The following TSHZ2 variants were observed in gnomAD, a reference collection of about 807,000 sequenced individuals.
TSHZ2 encodes teashirt zinc finger homeobox 2, also known as teashirt homolog 2.
In TSHZ2, 21 loss-of-function variants were observed where a neutral mutation model predicts 74.4. The observed-to-expected ratio is 0.28, with a 90% CI of 0.20 to 0.41. The LOEUF (loss-of-function observed/expected upper bound fraction) is 0.41, where lower values mean the gene tolerates loss of function less well. Ranked by LOEUF, TSHZ2 falls within the 10% of genes least tolerant of loss-of-function variation. The pLI is 1.00. For missense variants in TSHZ2, 1,244 were observed against 1,293.5 expected (o/e 0.96, Z 0.59); for synonymous variants, 540 against 515.3 (o/e 1.05, Z -0.65).
intron 1 of TSHZ2, among the ~76,000 whole-genome samples, chr20:53,073,809 A>G (rs1985281515): frequency 1.3e-5 from 2 of 152,094 alleles, no homozygotes. Context: ...TGATTGATGT[A>G]CATTTTTAAC....
chr20:53,083,968 ATTG>A (rs1481090214), intron 1 of TSHZ2, among the ~76,000 whole-genome samples: 1 of 151,942 alleles, frequency 6.6e-6, no homozygotes, highest in African/African-American at 2.4e-5. Flanking sequence ...CTTCTTTATT[ATTG>A]TTTAAGTTTC....
At position 53,074,674 on chromosome 20, in the gene TSHZ2, A is replaced by C. The variant is rs1383089111; in HGVS notation, c.40+101341A>C. Among the ~76,000 whole-genome samples the C allele has an allele frequency of 1.3e-5, 2 of 152,232 alleles. No individual in the cohort carries two copies. Among genetic ancestry groups the C allele is most frequent in the Admixed American group, 6.5e-5 (1 of 15,286 alleles). On this transcript the variant is annotated intron_variant, in intron 1 of 2. Coordinates refer to ENST00000371497, the MANE Select transcript of TSHZ2 (RefSeq NM_173485.6). The surrounding 1 kb of genome is among the most constrained non-coding windows in gnomAD (Gnocchi z 5.9). Reference sequence around the variant, plus strand: ...ATTAAGAAAAGGCTACTTGGAAACTATAGATACTAATTATTTTTAACTATA... The same window carrying C: ...ATTAAGAAAAGGCTACTTGGAAACTCTAGATACTAATTATTTTTAACTATA...
chr20:53,165,521 TACCTC>T (rs1200124583), intron 1 of TSHZ2, among the ~76,000 whole-genome samples: 19 of 152,364 alleles, frequency 1.2e-4, no homozygotes, highest in African/African-American at 4.3e-4. Context: ...AACTGACAGG[TACCTC>T]ACTTGTCTCT....
chr20:53,226,607 A>T (rs1243763334), intron 1 of TSHZ2, among the ~76,000 whole-genome samples: 1 of 152,188 alleles, frequency 6.6e-6, no homozygotes, highest in Non-Finnish European at 1.5e-5. Context: ...AGGATACCAT[A>T]TTAACAAGGG....
intron 1 of TSHZ2, among the ~76,000 whole-genome samples, chr20:53,247,971 C>T (rs955804105): frequency 3.3e-5 from 5 of 152,182 alleles, no homozygotes; most frequent in Non-Finnish European, 7.3e-5. Context: ...TAACTCCATA[C>T]CACCCATGAA....
intron 1 of TSHZ2, among the ~76,000 whole-genome samples, chr20:53,096,921 AC>A (rs1372865370): frequency 7.0e-6 from 1 of 143,688 alleles, no homozygotes; most frequent in South Asian, 2.2e-4. Context: ...AAAACAAAAA[AC>A]AAAACAAAAA....
At chr20:53,002,996 T>C (rs6013594) in intron 1 of TSHZ2, among the ~76,000 whole-genome samples, 8,779 of 152,270 alleles carry the variant, frequency 0.058, 602 homozygotes, top group African/African-American at 0.17. Flanking sequence ...GACTTCATAA[T>C]GTAATGGACA....
chr20:53,069,536 A>G (rs1187212862), intron 1 of TSHZ2, among the ~76,000 whole-genome samples: 2 of 152,078 alleles, frequency 1.3e-5, no homozygotes, highest in Non-Finnish European at 2.9e-5. Flanking sequence ...AGTGACAAAC[A>G]AGTTGATGGG....
chr20:53,452,893 A>C (rs868236413), intron 2 of TSHZ2, among the ~76,000 whole-genome samples: 6 of 152,118 alleles, frequency 3.9e-5, no homozygotes, highest in African/African-American at 7.2e-5. Flanking sequence ...CATATCCTCC[A>C]TTGACTAGAA....
At chr20:53,262,772 G>A (rs993142488) in intron 2 of TSHZ2, among the ~76,000 whole-genome samples, 4 of 152,164 alleles carry the variant, frequency 2.6e-5, no homozygotes, top group Admixed American at 6.5e-5. Context: ...TTTCTTTCCC[G>A]ACTCTCTCCT....
At chr20:53,458,886 T>C (rs1382928692) in intron 2 of TSHZ2, among the ~76,000 whole-genome samples, 1 of 152,158 alleles carries the variant, frequency 6.6e-6, no homozygotes, top group East Asian at 1.9e-4. Flanking sequence ...AGTGAGATTC[T>C]TAATCCTGAG....
chr20:53,263,842 A>G (rs1186301998), intron 2 of TSHZ2, among the ~76,000 whole-genome samples: 1 of 152,116 alleles, frequency 6.6e-6, no homozygotes, highest in African/African-American at 2.4e-5. Flanking sequence ...AGGAAACTCT[A>G]CTTCCTTCTG....
intron 1 of TSHZ2, among the ~76,000 whole-genome samples, chr20:53,209,481 T>C (rs1394240016): frequency 3.3e-5 from 5 of 152,194 alleles, no homozygotes; most frequent in Non-Finnish European, 7.3e-5. Context: ...ATCAGAGCTG[T>C]TTGGGGCAAT....
At chr20:53,389,604 G>A (rs568318465) in intron 2 of TSHZ2, among the ~76,000 whole-genome samples, 22 of 152,220 alleles carry the variant, frequency 1.4e-4, no homozygotes, top group Non-Finnish European at 2.9e-4. Flanking sequence ...AGTAGTGGCA[G>A]AGGTGAAGTT....
chr20:53,048,328 G>A (rs557365045), intron 1 of TSHZ2, among the ~76,000 whole-genome samples: 2 of 152,154 alleles, frequency 1.3e-5, no homozygotes, highest in Non-Finnish European at 2.9e-5. Flanking sequence ...GAGAGAGAGA[G>A]CAAAATAATA....
chr20:53,240,166 G>GA (rs1990032581), intron 1 of TSHZ2, among the ~76,000 whole-genome samples: 1 of 152,080 alleles, frequency 6.6e-6, no homozygotes, highest in African/African-American at 2.4e-5. Context: ...ATGAAAATAG[G>GA]AAAAACAAAT....
intron 2 of TSHZ2, among the ~76,000 whole-genome samples, chr20:53,349,996 G>C (rs1351767568): frequency 6.6e-6 from 1 of 152,114 alleles, no homozygotes; most frequent in Non-Finnish European, 1.5e-5. Flanking sequence ...TGGCTCAGGG[G>C]CCTCTTCCTT....
intron 2 of TSHZ2, among the ~76,000 whole-genome samples, chr20:53,316,427 A>G (rs1979021591): frequency 6.6e-6 from 1 of 152,118 alleles, no homozygotes; most frequent in Admixed American, 6.5e-5. Context: ...GGGTGGAGGA[A>G]TGGAAAAGGC....
At chr20:52,991,081 T>C (rs1981967449) in intron 1 of TSHZ2, among the ~76,000 whole-genome samples, 1 of 152,156 alleles carries the variant, frequency 6.6e-6, no homozygotes, top group South Asian at 2.1e-4. Flanking sequence ...GTGTGTGTGT[T>C]GTGGCAGGGG....
Sources: gnomAD v4.1 joint callset for allele counts (sites outside exome capture counted in the v4.1 genomes callset) on GRCh38, gnomAD v4.1.1 for gene constraint, Gnocchi (gnomAD v3.1) non-coding constraint, MANE v1.5 for transcripts, NCBI Gene and HGNC (gene_info 2026-07-23, HGNC 2026-07-21) for gene names.